The following ZSCAN20 variants were observed in gnomAD, a reference collection of about 807,000 sequenced individuals.
The protein encoded by ZSCAN20 is zinc finger and SCAN domain-containing protein 20.
Under a neutral mutation model 97.1 loss-of-function variants are expected in ZSCAN20, and 39 were observed. The observed-to-expected ratio is 0.40, with a 90% CI of 0.31 to 0.52. ZSCAN20 has a LOEUF of 0.52. Among genes scored for constraint, ZSCAN20 ranks in the 20% least tolerant of loss-of-function variants. The probability of loss-of-function intolerance (pLI) is 0.49; values close to 1 mark genes in which losing one functional copy is unlikely to be tolerated. For missense variants in ZSCAN20, 1,115 were observed against 1,290.4 expected (o/e 0.86, Z 2.08); for synonymous variants, 456 against 467.3 (o/e 0.98, Z 0.31).
intron 2 of ZSCAN20, among the ~76,000 whole-genome samples, chr1:33,487,649 A>C (rs984873074): frequency 6.6e-6 from 1 of 151,794 alleles, no homozygotes; most frequent in Non-Finnish European, 1.5e-5. Flanking sequence ...ATTCCATCTA[A>C]TTTCTTTTTT....
intron 1 of ZSCAN20, among the ~76,000 whole-genome samples, chr1:33,476,317 C>A (rs1442995285): frequency 6.6e-6 from 1 of 152,110 alleles, no homozygotes; most frequent in Non-Finnish European, 1.5e-5. Context: ...TAGAAAGTTA[C>A]GGTTATGGTT....
At position 33,494,301 on chromosome 1, in the gene ZSCAN20, C is replaced by G; in HGVS notation, c.1957C>G (p.Pro653Ala). The change falls in exon 8 of 8, where the codon CCT becomes GCT. Residue 653 changes from proline to alanine, a missense_variant. Transcript: ENST00000684572. ...EGLPGALSKC[P>A]TEAVCQPLDW... ...TTTGCCTGGAGCCTTATCAAAATGT[C>G]CTACAGAAGCTGTTTGCCAACCTCT... 6.2e-7 allele frequency: 1 copy of G among 1,613,906 alleles called. No homozygotes were observed. The highest frequency in any genetic ancestry group is 8.5e-7 in the Non-Finnish European group (1 of 1,179,940).
Position 33,495,566 on chromosome 1 carries a change from G to T in ZSCAN20, c.*90G>T. 2 of 1,235,120 alleles carry T rather than the reference G, an allele frequency of 1.6e-6. No individual in the cohort carries two copies. Among genetic ancestry groups the T allele is most frequent in the Non-Finnish European group, 2.1e-6 (2 of 947,794 alleles). 76.5% of individuals were successfully genotyped at this position (1,235,120 alleles called of 1,614,324 possible). A position where few individuals can be genotyped will look rare whatever the true frequency, so the allele number is the denominator to read the frequency against. Reference sequence around the variant, plus strand: ...TAGAGATAAACTTTCCAATTTTTAAGCTTGGTGTGTACCCAGGGAAGTTAT... The same window carrying T: ...TAGAGATAAACTTTCCAATTTTTAATCTTGGTGTGTACCCAGGGAAGTTAT... On this transcript the variant is annotated 3_prime_UTR_variant, in exon 8 of 8. Transcript: ENST00000684572.
intron 1 of ZSCAN20, 70 bp from the exon 2 acceptor site, chr1:33,479,109 T>A (rs964995372): frequency 3.2e-6 from 2 of 616,104 alleles, no homozygotes; most frequent in East Asian, 2.9e-5. Flanking sequence ...GCGGAAGATA[T>A]GGGGGAAGGG....
Position 33,491,382 on chromosome 1 carries a change from A to C in ZSCAN20, c.1124A>C (p.Gln375Pro). The C allele has an allele frequency of 6.2e-7, 1 of 1,614,200 alleles. No individual in the cohort carries two copies. The highest frequency in any genetic ancestry group is 8.5e-7 in the Non-Finnish European group (1 of 1,180,028). Residue 375 changes from glutamine to proline, a missense_variant, in exon 6 of 8, where the codon CAA becomes CCA. Around this residue, in one of 3 missense-constraint regions of ZSCAN20, gnomAD observed 508 missense variants for 611.2 expected, o/e 0.83. Coordinates refer to ENST00000684572, the MANE Select transcript of ZSCAN20 (RefSeq NM_001377376.1). This position sits in a 1 kb window ranked among gnomAD's most constrained non-coding sequence, Gnocchi z 4.3. ...AGGGGCTTCCTGCGGACACTGGAGC[A>C]ATGTCGCTATAGGGTCAAAAACCTC... ...RARGFLRTLE[Q>P]CRYRVKNLLR...
intron 2 of ZSCAN20, among the ~76,000 whole-genome samples, chr1:33,485,041 C>T (rs1652304753): frequency 6.6e-6 from 1 of 152,154 alleles, no homozygotes; most frequent in Admixed American, 6.6e-5. Context: ...GAAATATTCC[C>T]TCTGCTTCTA....
At chr1:33,478,619 A>G (rs1238112925) in intron 1 of ZSCAN20, among the ~76,000 whole-genome samples, 1 of 152,110 alleles carries the variant, frequency 6.6e-6, no homozygotes, top group African/African-American at 2.4e-5. Context: ...AATAATGCCA[A>G]ATAGGTGGGA....
At position 33,493,114 on chromosome 1, in the gene ZSCAN20, G is replaced by A; in HGVS notation, c.1445-73G>A. The stretch of plus-strand genomic sequence containing the variant: ...TATGTTCTAGGTATTTTGAAGGGCA[G>A]GTGACTTTATTCTCTGATGACCTAG... On this transcript the variant is annotated intron_variant, in intron 6 of 7. Coordinates refer to ENST00000684572, the MANE Select transcript of ZSCAN20 (RefSeq NM_001377376.1). This position sits in a 1 kb window ranked among gnomAD's most constrained non-coding sequence, Gnocchi z 4.3. 1 of 1,460,684 alleles carries A rather than the reference G, an allele frequency of 6.8e-7. No homozygotes were observed. The allele number at this position is 1,460,684 out of a possible 1,614,324, so 90.5% of individuals were successfully genotyped here.
chr1:33,493,410 A>G lies in ZSCAN20; in HGVS notation c.1668A>G (p.Pro556=), dbSNP rs370641673. Residue 556 remains proline, a synonymous_variant, in exon 7 of 8, where the codon CCA becomes CCG. Transcript: ENST00000684572. The surrounding 1 kb of genome is among the most constrained non-coding windows in gnomAD (Gnocchi z 4.3). ...GGAAAGCCAAGAGCAGCCACCCACCAGGGACATGCCCTTTCTATGAGGAAC... is the reference window on the plus strand; with the variant it reads ...GGAAAGCCAAGAGCAGCCACCCACCGGGGACATGCCCTTTCTATGAGGAAC... ...SYRKAKSSHP[P]GTCPFYEELD... is the part of the protein sequence containing the mutation. The G allele has an allele frequency of 1.2e-5, 20 of 1,614,216 alleles. No individual in the cohort carries two copies. The highest frequency in any genetic ancestry group is 9.3e-5 in the African/African-American group (7 of 75,054).
intron 1 of ZSCAN20, among the ~76,000 whole-genome samples, chr1:33,473,446 T>C (rs542797690): frequency 6.6e-5 from 10 of 152,106 alleles, no homozygotes; most frequent in Non-Finnish European, 1.2e-4. Context: ...TGCCTTCTGC[T>C]TGAAAACTTT....
In ZSCAN20 at chr1:33,479,262, G is replaced by A; in HGVS notation, c.-27G>A. 1 of 1,569,518 alleles carries A rather than the reference G, an allele frequency of 6.4e-7. No homozygotes were observed. The highest frequency in any genetic ancestry group is 8.7e-7 in the Non-Finnish European group (1 of 1,155,984). ...GAAGACATTGGATGAGGTCAGCATA[G>A]CTGAAGTGAGGTGTCTGGGTTAGAC... On this transcript the variant is annotated 5_prime_UTR_variant, in exon 2 of 8. An upstream open reading frame in the 5' UTR loses its in-frame stop. Coordinates refer to ENST00000684572, the MANE Select transcript of ZSCAN20 (RefSeq NM_001377376.1).
intron 2 of ZSCAN20, among the ~76,000 whole-genome samples, chr1:33,483,684 A>AG (rs1652240886): frequency 6.6e-6 from 1 of 151,516 alleles, no homozygotes; most frequent in South Asian, 2.1e-4. Flanking sequence ...TTGAAAAAAA[A>AG]AAAAAGAAAA....
At chr1:33,476,575 G>A (rs1651947619) in intron 1 of ZSCAN20, among the ~76,000 whole-genome samples, 1 of 152,088 alleles carries the variant, frequency 6.6e-6, no homozygotes, top group Non-Finnish European at 1.5e-5. Context: ...TTGAAGGTAG[G>A]GACTGTCAGT....
intron 5 of ZSCAN20, 88 bp downstream of exon 5, chr1:33,489,690 C>A: frequency 8.4e-7 from 1 of 1,186,508 alleles, no homozygotes; most frequent in Non-Finnish European, 1.2e-6. Context: ...CTTTAAGAAT[C>A]ATGGCTCTGC....
rs565094744 is a variant in ZSCAN20 at position 33,495,066 on chromosome 1, T to G, written c.2722T>G (p.Cys908Gly). The G allele has an allele frequency of 6.2e-6, 10 of 1,612,544 alleles. No homozygotes were observed. The South Asian group carries it at 9.9e-5, about 16-fold the overall frequency. Residue 908 changes from cysteine to glycine, a missense_variant, in exon 8 of 8, where the codon TGT becomes GGT. By Grantham distance (159) the Cys-to-Gly change is radical (BLOSUM62 -3). Coordinates refer to ENST00000684572, the MANE Select transcript of ZSCAN20 (RefSeq NM_001377376.1). ...TGEKPYECAE[C>G]GKSFSKSSTL... The stretch of plus-strand genomic sequence containing the variant: ...AGAGAAACCATATGAATGTGCCGAA[T>G]GTGGGAAAAGCTTCAGTAAGAGCTC...
intron 2 of ZSCAN20, among the ~76,000 whole-genome samples, chr1:33,486,101 A>C (rs1320801383): frequency 2.0e-5 from 3 of 152,236 alleles, no homozygotes; most frequent in African/African-American, 7.2e-5. Flanking sequence ...TGCTGAGGAC[A>C]GGACTTATTA....
rs1463817596 is a variant in ZSCAN20, at chr1:33,498,270, C to T, written c.*2794C>T. Among the ~76,000 whole-genome samples, 1 of 152,180 alleles carries T rather than the reference C, an allele frequency of 6.6e-6. No homozygotes were observed. The highest frequency in any genetic ancestry group is 1.5e-5 in the Non-Finnish European group (1 of 68,044). ...TCCTCTCTCCACTTGGTCACCCTTT[C>T]CCCTGGGTTTGGTAGTGTGTTAGTG... On this transcript the variant is annotated 3_prime_UTR_variant, in exon 8 of 8. Transcript: ENST00000684572.
At chr1:33,475,270 C>T (rs969225286) in intron 1 of ZSCAN20, among the ~76,000 whole-genome samples, 1 of 152,162 alleles carries the variant, frequency 6.6e-6, no homozygotes, top group African/African-American at 2.4e-5. Flanking sequence ...CTCAGTTTCC[C>T]TTTAGGTAAT....
In ZSCAN20 at chr1:33,493,284, C is replaced by T; in HGVS notation, c.1542C>T (p.Ser514=). ...SEKLRTCHQN[S]QVYRAIAERL... ...AGCTTCGTACCTGTCACCAGAACAG[C>T]CAGGTGTACCGGGCCATTGCAGAGC... The change falls in exon 7 of 8, where the codon AGC becomes AGT. Residue 514 remains serine (S), a synonymous_variant. Transcript: ENST00000684572. The surrounding 1 kb of genome is among the most constrained non-coding windows in gnomAD (Gnocchi z 4.3). 1 of 1,614,220 alleles carries T rather than the reference C, an allele frequency of 6.2e-7. No individual in the cohort carries two copies. The highest frequency in any genetic ancestry group is 8.5e-7 in the Non-Finnish European group (1 of 1,180,032).
Sources: gnomAD v4.1 joint callset for allele counts (sites outside exome capture counted in the v4.1 genomes callset) on GRCh38, gnomAD v4.1.1 for gene constraint, gnomAD v4.1.1 regional missense constraint, Gnocchi (gnomAD v3.1) non-coding constraint, MANE v1.5 for transcripts, NCBI Gene and HGNC (gene_info 2026-07-23, HGNC 2026-07-21) for gene names.